Variants in METTL24 observed in about 807,000 individuals in gnomAD.
The protein encoded by METTL24 is probable methyltransferase-like protein 24.
METTL24 carries 29 observed loss-of-function variants against 32.7 expected under a neutral mutation model. That is an observed-to-expected ratio of 0.89 (90% confidence interval 0.66 to 1.21). The LOEUF (loss-of-function observed/expected upper bound fraction) is 1.21. METTL24 is among the 50% of genes most tolerant of loss of function. METTL24 has a pLI of 0.00. For synonymous variants in METTL24, 163 were observed against 179.5 expected (o/e 0.91, Z 0.73); for missense variants, 439 against 468.1 (o/e 0.94, Z 0.57).
intron 1 of METTL24, among the ~76,000 whole-genome samples, chr6:110,330,394 G>A (rs1029906755): frequency 6.6e-6 from 1 of 152,170 alleles, no homozygotes; most frequent in African/African-American, 2.4e-5. Flanking sequence ...CAGAGCGTAG[G>A]CAAAGCAGGG....
chr6:110,357,256 CAG>C (rs1228849990), intron 1 of METTL24: 1 of 152,186 alleles, frequency 6.6e-6, no homozygotes, highest in Non-Finnish European at 1.5e-5. Context: ...ATGGACTAAT[CAG>C]TGAGGTGTAA....
chr6:110,286,026 A>G (rs1046888760), intron 4 of METTL24, among the ~76,000 whole-genome samples: 3 of 152,194 alleles, frequency 2.0e-5, no homozygotes, highest in Admixed American at 2.0e-4. Context: ...ATCTGGTCTC[A>G]TGAAAATTCC....
At chr6:110,276,188 T>C (rs1771043980) in intron 4 of METTL24, among the ~76,000 whole-genome samples, 1 of 152,328 alleles carries the variant, frequency 6.6e-6, no homozygotes, top group East Asian at 1.9e-4. Flanking sequence ...ATCCCAGCAC[T>C]TTAAGAGGCC....
At chr6:110,262,311 A>T (rs573300891) in intron 4 of METTL24, among the ~76,000 whole-genome samples, 1 of 152,346 alleles carries the variant, frequency 6.6e-6, no homozygotes, top group South Asian at 2.1e-4. Context: ...CAGAAATACA[A>T]ACTACCATCA....
intron 3 of METTL24, among the ~76,000 whole-genome samples, chr6:110,303,330 G>A (rs1346812390): frequency 6.6e-6 from 1 of 152,012 alleles, no homozygotes; most frequent in Non-Finnish European, 1.5e-5. Flanking sequence ...TCACTCCCCT[G>A]GAAAAGGGGC....
chr6:110,250,520 A>G (rs1778258086), intron 4 of METTL24, among the ~76,000 whole-genome samples: 1 of 152,080 alleles, frequency 6.6e-6, no homozygotes, highest in East Asian at 1.9e-4. Flanking sequence ...GAATTTCAAC[A>G]TATTAATTTG....
intron 1 of METTL24, among the ~76,000 whole-genome samples, chr6:110,348,706 G>A (rs752145155): frequency 6.6e-6 from 1 of 152,218 alleles, no homozygotes; most frequent in African/African-American, 2.4e-5. Flanking sequence ...AAATGAGTAA[G>A]TGATGGCCGT....
At chr6:110,328,994 A>G (rs1772065821) in intron 1 of METTL24, among the ~76,000 whole-genome samples, 1 of 152,234 alleles carries the variant, frequency 6.6e-6, no homozygotes, top group African/African-American at 2.4e-5. Flanking sequence ...CATTTTTTGT[A>G]TAAAATAAAC....
At chr6:110,333,176 T>TCCCCC (rs903397137) in intron 1 of METTL24, among the ~76,000 whole-genome samples, 1 of 152,034 alleles carries the variant, frequency 6.6e-6, no homozygotes, top group African/African-American at 2.4e-5. Flanking sequence ...CAGTTACCCT[T>TCCCCC]CCCCCAAACA....
intron 3 of METTL24, among the ~76,000 whole-genome samples, chr6:110,313,640 T>C (rs1413925332): frequency 1.3e-5 from 2 of 152,260 alleles, no homozygotes; most frequent in African/African-American, 4.8e-5. Flanking sequence ...CAATTTTTTA[T>C]GACCCACTTT....
intron 4 of METTL24, among the ~76,000 whole-genome samples, chr6:110,288,463 T>C (rs116672205): frequency 0.015 from 2,265 of 151,458 alleles, 20 homozygotes; most frequent in African/African-American, 0.029. Context: ...TTGTTAGGTA[T>C]TTTAAAAATG....
At chr6:110,302,042 G>A (rs753122728) in intron 3 of METTL24, among the ~76,000 whole-genome samples, 6 of 152,116 alleles carry the variant, frequency 3.9e-5, no homozygotes, top group Middle Eastern at 3.2e-3. Flanking sequence ...TTAGGAGGCC[G>A]AGGTGGGCAG....
chr6:110,301,298 A>G (rs1771512927), intron 3 of METTL24, among the ~76,000 whole-genome samples: 1 of 152,120 alleles, frequency 6.6e-6, no homozygotes, highest in Non-Finnish European at 1.5e-5. Flanking sequence ...TCTCTACCCC[A>G]GTTTTCCATG....
chr6:110,272,685 A>G (rs976190122), intron 4 of METTL24, among the ~76,000 whole-genome samples: 1 of 152,026 alleles, frequency 6.6e-6, no homozygotes, highest in Non-Finnish European at 1.5e-5. Context: ...GTGGTATCTC[A>G]TTGTGGTTTT....
chr6:110,280,454 T>C (rs1234456285), intron 4 of METTL24, among the ~76,000 whole-genome samples: 1 of 152,152 alleles, frequency 6.6e-6, no homozygotes, highest in Non-Finnish European at 1.5e-5. Context: ...AAAGAGCAAA[T>C]ATGTTGTTTC....
intron 1 of METTL24, among the ~76,000 whole-genome samples, chr6:110,324,829 T>C (rs894408407): frequency 3.9e-5 from 6 of 152,246 alleles, no homozygotes; most frequent in Non-Finnish European, 7.3e-5. Flanking sequence ...ACAATATTTA[T>C]TGAGCCTTAG....
intron 4 of METTL24, among the ~76,000 whole-genome samples, chr6:110,257,244 T>C (rs1346765781): frequency 1.3e-5 from 2 of 152,214 alleles, no homozygotes; most frequent in Non-Finnish European, 2.9e-5. Context: ...ATAATATCAA[T>C]ATTTAATTCT....
chr6:110,248,945 A>G (rs2114689303), intron 4 of METTL24, among the ~76,000 whole-genome samples: 1 of 152,104 alleles, frequency 6.6e-6, no homozygotes, highest in Admixed American at 6.5e-5. Context: ...AAAATTTTCT[A>G]ATTGGTACAG....
At chr6:110,296,376 A>G (rs1272183773) in intron 4 of METTL24, among the ~76,000 whole-genome samples, 1 of 152,238 alleles carries the variant, frequency 6.6e-6, no homozygotes, top group East Asian at 1.9e-4. Context: ...GTAGACAGTT[A>G]ATCATTTCAC....
Sources: gnomAD v4.1 joint callset for allele counts (sites outside exome capture counted in the v4.1 genomes callset) on GRCh38, gnomAD v4.1.1 for gene constraint, MANE v1.5 for transcripts, NCBI Gene and HGNC (gene_info 2026-07-23, HGNC 2026-07-21) for gene names.